The following BIN3 variants were observed in gnomAD, a reference collection of about 807,000 sequenced individuals.
The protein encoded by BIN3 is bridging integrator 3.
A neutral mutation model predicts 38.2 loss-of-function variants in BIN3; 41 were observed. The ratio of observed to expected loss-of-function variants is 1.07; its 90% CI spans 0.84 to 1.39. BIN3 has a LOEUF of 1.39. Among genes scored for constraint, BIN3 ranks in the 40% most tolerant of loss-of-function variants. BIN3 has a pLI of 0.00. For synonymous variants in BIN3, 145 were observed against 122.6 expected (o/e 1.18, Z -1.21); for missense variants, 361 against 324.3 (o/e 1.11, Z -0.87).
At chr8:22,663,399 T>G (rs912728972) in intron 1 of BIN3, among the ~76,000 whole-genome samples, 1 of 144,534 alleles carries the variant, frequency 6.9e-6, no homozygotes, top group Non-Finnish European at 1.5e-5. Context: ...ATTGCACTAC[T>G]GCACTCCAGC....
At chr8:22,634,691 G>A (rs1429014931) in intron 4 of BIN3, among the ~76,000 whole-genome samples, 2 of 152,166 alleles carry the variant, frequency 1.3e-5, no homozygotes, top group East Asian at 1.9e-4. Context: ...CAGTGAGGCC[G>A]CCCCATTTGC....
At chr8:22,624,489 C>T (rs1447412084) in intron 6 of BIN3, 126 bp from the exon 7 acceptor site, 20 of 1,306,888 alleles carry the variant, frequency 1.5e-5, no homozygotes, top group African/African-American at 8.8e-5. Context: ...TCCTGGCCAG[C>T]ACTCACTTGT....
chr8:22,627,526 C>A (rs1044967477), intron 6 of BIN3, among the ~76,000 whole-genome samples: 4 of 152,122 alleles, frequency 2.6e-5, no homozygotes, highest in Non-Finnish European at 5.9e-5. Context: ...CCTGTGCCAG[C>A]CCCTCCCAGA....
chr8:22,665,134 C>T (rs1169110291), intron 1 of BIN3, among the ~76,000 whole-genome samples: 1 of 152,156 alleles, frequency 6.6e-6, no homozygotes, highest in African/African-American at 2.4e-5. Flanking sequence ...AGAAACCCAG[C>T]AAAGCACTTT....
chr8:22,646,161 C>T (rs1420581665), intron 1 of BIN3, among the ~76,000 whole-genome samples: 1 of 152,178 alleles, frequency 6.6e-6, no homozygotes, highest in Admixed American at 6.5e-5. Context: ...ACTGAGCATT[C>T]TATGATTCTC....
intron 4 of BIN3, among the ~76,000 whole-genome samples, chr8:22,634,156 A>C (rs760692904): frequency 6.6e-6 from 1 of 152,254 alleles, no homozygotes; most frequent in Non-Finnish European, 1.5e-5. Flanking sequence ...CAGCTCCCGA[A>C]CTGGAAAGGC....
At chr8:22,659,341 G>A (rs559185363) in intron 1 of BIN3, among the ~76,000 whole-genome samples, 3 of 152,250 alleles carry the variant, frequency 2.0e-5, no homozygotes, top group African/African-American at 7.2e-5. Context: ...AATTGACCCC[G>A]ACCCGCCAAC....
intron 1 of BIN3, among the ~76,000 whole-genome samples, chr8:22,660,632 C>T (rs1308965789): frequency 6.6e-6 from 1 of 152,102 alleles, no homozygotes; most frequent in Admixed American, 6.5e-5. Flanking sequence ...GGGGCGCGGG[C>T]AAACGTTCTC....
intron 1 of BIN3, among the ~76,000 whole-genome samples, chr8:22,648,711 C>A (rs1012058906): frequency 9.2e-5 from 14 of 152,194 alleles, no homozygotes; most frequent in Admixed American, 1.3e-4. Context: ...TGGGAGGAAG[C>A]CATCATGCAG....
Position 22,630,439 on chromosome 8 carries a change from C to A in BIN3, c.297+3G>T. 1.2e-6 allele frequency: 2 copies of A among 1,613,904 alleles called. No individual in the cohort carries two copies. Among genetic ancestry groups the A allele is most frequent in the Non-Finnish European group, 1.7e-6 (2 of 1,179,826 alleles). On this transcript the variant is annotated splice_donor_region_variant and intron_variant, in intron 5 of 8. Transcript: ENST00000276416. ...TGCCCACCCCACACCAAGACCTAGTCACCTTTTCCTGATTGAAGGCATCCA... is the reference window on the plus strand; with the variant it reads ...TGCCCACCCCACACCAAGACCTAGTAACCTTTTCCTGATTGAAGGCATCCA...
intron 1 of BIN3, among the ~76,000 whole-genome samples, chr8:22,645,577 C>T (rs114715428): frequency 2.2e-5 from 3 of 134,112 alleles, no homozygotes; most frequent in African/African-American, 1.2e-4. Context: ...AGAGGAAAGG[C>T]GAGGATGGCA....
At chr8:22,635,252 G>A (rs538504446) in intron 4 of BIN3, among the ~76,000 whole-genome samples, 7 of 152,050 alleles carry the variant, frequency 4.6e-5, no homozygotes, top group Non-Finnish European at 8.8e-5. Flanking sequence ...GACCTTGCAC[G>A]CCACGACGTG....
intron 4 of BIN3, among the ~76,000 whole-genome samples, chr8:22,633,474 C>T (rs116366057): frequency 2.8e-4 from 43 of 152,314 alleles, no homozygotes; most frequent in African/African-American, 9.9e-4. Flanking sequence ...GGGTCTTGGA[C>T]CCCACCCGGG....
In BIN3 at chr8:22,621,579, C is replaced by T. The variant is rs555129751; in HGVS notation, c.616-11G>A. 257 of 1,612,980 alleles carry T rather than the reference C, an allele frequency of 1.6e-4. No homozygotes were observed. Among genetic ancestry groups the T allele is most frequent in the South Asian group, 8.0e-4 (73 of 91,062 alleles). On this transcript the variant is annotated splice_polypyrimidine_tract_variant and intron_variant, in intron 8 of 8. Coordinates refer to ENST00000276416, the MANE Select transcript of BIN3 (RefSeq NM_018688.6). ...CGAGTAGTACACAACCTGGGGGAGG[C>T]GACAGGGGTTGGCACGTGCTGGCTC...
chr8:22,635,020 G>C (rs1292237249), intron 4 of BIN3, among the ~76,000 whole-genome samples: 1 of 152,180 alleles, frequency 6.6e-6, no homozygotes, highest in Non-Finnish European at 1.5e-5. Context: ...GAGTGGCCGA[G>C]GGGACTGAAG....
chr8:22,658,279 A>C (rs1467504553), intron 1 of BIN3, among the ~76,000 whole-genome samples: 1 of 152,120 alleles, frequency 6.6e-6, no homozygotes, highest in East Asian at 1.9e-4. Context: ...AAAAAGAAAA[A>C]AAGTTCTGTG....
In BIN3 at chr8:22,621,061, A is replaced by T. The variant is rs1801780888; in HGVS notation, c.*361T>A. 1 of 198,942 alleles carries T rather than the reference A, an allele frequency of 5.0e-6. No individual in the cohort carries two copies. Among genetic ancestry groups the T allele is most frequent in the Non-Finnish European group, 1.0e-5 (1 of 98,100 alleles). 12.3% of individuals were successfully genotyped at this position (198,942 alleles called of 1,614,324 possible). On this transcript the variant is annotated 3_prime_UTR_variant, in exon 9 of 9. Transcript: ENST00000276416. ...CCCAGGATGGGTCTTTTGGAGGTAG[A>T]TTTGATGCCCACAACGCATGCAAGG...
chr8:22,640,759 C>A (rs1202747711), intron 2 of BIN3, among the ~76,000 whole-genome samples: 2 of 152,050 alleles, frequency 1.3e-5, no homozygotes, highest in African/African-American at 4.8e-5. Flanking sequence ...CACCTGGTCT[C>A]CCTGGCTGGG....
At chr8:22,627,375 C>T (rs1006403551) in intron 6 of BIN3, among the ~76,000 whole-genome samples, 15 of 152,192 alleles carry the variant, frequency 9.9e-5, no homozygotes, top group Non-Finnish European at 2.1e-4. Context: ...GCCCCATCTC[C>T]CCGTTTTCTA....
Sources: allele counts gnomAD v4.1 joint callset (sites outside exome capture counted in the v4.1 genomes callset), GRCh38; gene constraint gnomAD v4.1.1; transcripts MANE v1.5; gene names NCBI Gene and HGNC (gene_info 2026-07-23, HGNC 2026-07-21).